The following RBFOX1 variants were observed in gnomAD, a reference collection of about 807,000 sequenced individuals.
RBFOX1 encodes RNA binding protein fox-1 homolog 1.
RBFOX1 carries 8 observed loss-of-function variants against 57.7 expected under a neutral mutation model. The observed-to-expected ratio is 0.14, with a 90% confidence interval of 0.08 to 0.25. The LOEUF is 0.25. Among genes scored for constraint, RBFOX1 ranks in the 10% least tolerant of loss-of-function variants. The probability of loss-of-function intolerance (pLI) is 1.00; values close to 1 mark genes in which losing one functional copy is unlikely to be tolerated. For missense variants in RBFOX1, 611 were observed against 548.5 expected (o/e 1.11, Z -1.14); for synonymous variants, 326 against 222.4 (o/e 1.47, Z -4.15).
At chr16:7,393,914 G>A (rs2098090988) in intron 4 of RBFOX1, among the ~76,000 whole-genome samples, 1 of 152,042 alleles carries the variant, frequency 6.6e-6, no homozygotes, top group South Asian at 2.1e-4. Flanking sequence ...ATCAAGCTAG[G>A]GAGGATGGCT....
chr16:7,275,440 A>G (rs990436966), intron 4 of RBFOX1, among the ~76,000 whole-genome samples: 1 of 152,236 alleles, frequency 6.6e-6, no homozygotes, highest in Non-Finnish European at 1.5e-5. Flanking sequence ...TTCTCCAGAC[A>G]TTAACATAAG....
At chr16:6,131,502 C>A (rs145991193) in intron 1 of RBFOX1, among the ~76,000 whole-genome samples, 27 of 152,270 alleles carry the variant, frequency 1.8e-4, no homozygotes, top group Admixed American at 1.6e-3. Context: ...CTGAAAGTCA[C>A]CCTCTAAGAT....
chr16:5,784,330 G>A (rs974177440), intron 3 of RBFOX1, among the ~76,000 whole-genome samples: 1 of 152,174 alleles, frequency 6.6e-6, no homozygotes, highest in South Asian at 2.1e-4. Context: ...GGGAGGCTGA[G>A]GCAGGAGAAT....
intron 2 of RBFOX1, among the ~76,000 whole-genome samples, chr16:5,567,769 C>T (rs570715925): frequency 7.2e-5 from 11 of 152,104 alleles, no homozygotes; most frequent in South Asian, 2.1e-4. Context: ...TTGTCGTCAC[C>T]GTCACCTATA....
chr16:6,000,597 G>A (rs115895552), intron 4 of RBFOX1, among the ~76,000 whole-genome samples: 246 of 152,232 alleles, frequency 1.6e-3, no homozygotes, highest in African/African-American at 5.6e-3. Flanking sequence ...ACAGTGCCAG[G>A]AAATAGAATT....
chr16:6,839,142 A>T (rs555256821), intron 3 of RBFOX1, among the ~76,000 whole-genome samples: 4 of 143,884 alleles, frequency 2.8e-5, no homozygotes, highest in African/African-American at 9.8e-5. Context: ...ACACCACCAC[A>T]CCCAGCTAAT....
chr16:6,985,931 G>A (rs1366718043), intron 3 of RBFOX1, among the ~76,000 whole-genome samples: 1 of 145,174 alleles, frequency 6.9e-6, no homozygotes, highest in African/African-American at 2.6e-5. Flanking sequence ...AATGTGAATT[G>A]TAAATCTCCA....
intron 4 of RBFOX1, among the ~76,000 whole-genome samples, chr16:5,923,708 T>C (rs1162295142): frequency 6.6e-6 from 1 of 151,876 alleles, no homozygotes; most frequent in Non-Finnish European, 1.5e-5. Context: ...CACCTGCTAA[T>C]TTTTGTGTTT....
chr16:7,385,803 G>T (rs1369463072), intron 4 of RBFOX1, among the ~76,000 whole-genome samples: 1 of 152,050 alleles, frequency 6.6e-6, no homozygotes, highest in Non-Finnish European at 1.5e-5. Flanking sequence ...ACCCAGGCTG[G>T]AGTGCAGTGG....
rs2063365362 is a variant in RBFOX1 at position 5,285,295 on chromosome 16, T to G, written c.219+45190T>G. Among the ~76,000 whole-genome samples the G allele has an allele frequency of 2.0e-5, 3 of 152,346 alleles. No individual in the cohort carries two copies. The East Asian group carries it at 5.8e-4, about 29-fold the overall frequency. On this transcript the variant is annotated intron_variant, in intron 1 of 2. Coordinates refer to the RBFOX1 transcript ENST00000585867. ...CAACGATTTCTTCTCTTCCAGGATT[T>G]GTGTTTGGTTCTTTGTTATGCTGTC...
intron 1 of RBFOX1, among the ~76,000 whole-genome samples, chr16:6,060,556 A>G (rs1596830384): frequency 6.6e-6 from 1 of 152,274 alleles, no homozygotes; most frequent in East Asian, 1.9e-4. Flanking sequence ...CAGCAGTTCC[A>G]TATACTTTGA....
chr16:6,523,418 C>A (rs184978158), intron 2 of RBFOX1, among the ~76,000 whole-genome samples: 1 of 152,208 alleles, frequency 6.6e-6, no homozygotes, highest in South Asian at 2.1e-4. Flanking sequence ...GCAATGTTAA[C>A]GGTCATTGAA....
At chr16:5,858,904 A>T (rs2057140009) in intron 3 of RBFOX1, among the ~76,000 whole-genome samples, 1 of 152,198 alleles carries the variant, frequency 6.6e-6, no homozygotes, top group South Asian at 2.1e-4. Context: ...GGAGAGGGGA[A>T]GCTGCCTACT....
chr16:6,743,107 T>G (rs1568428784), intron 3 of RBFOX1, among the ~76,000 whole-genome samples: 1 of 152,204 alleles, frequency 6.6e-6, no homozygotes, highest in Non-Finnish European at 1.5e-5. Flanking sequence ...TGTAATATTT[T>G]CAAAATAAGT....
chr16:5,904,179 C>G (rs2152188992), intron 4 of RBFOX1, among the ~76,000 whole-genome samples: 1 of 152,142 alleles, frequency 6.6e-6, no homozygotes, highest in South Asian at 2.1e-4. Context: ...CACAAAGCCT[C>G]AACAGTGATT....
intron 4 of RBFOX1, among the ~76,000 whole-genome samples, chr16:7,324,117 A>C (rs1252849741): frequency 6.6e-6 from 1 of 152,184 alleles, no homozygotes; most frequent in African/African-American, 2.4e-5. Context: ...AGACAGGGCA[A>C]GCTGAATTTC....
intron 4 of RBFOX1, among the ~76,000 whole-genome samples, chr16:7,455,027 A>C (rs9936248): frequency 0.42 from 63,965 of 152,110 alleles, 13,801 homozygotes; most frequent in East Asian, 0.56. Context: ...ATTTGTTCAA[A>C]CACAATAGGG....
At chr16:6,780,649 A>G (rs973332987) in intron 3 of RBFOX1, among the ~76,000 whole-genome samples, 5 of 144,754 alleles carry the variant, frequency 3.5e-5, no homozygotes, top group Non-Finnish European at 7.5e-5. Context: ...TCTTTTATAT[A>G]TGTATATATC....
chr16:5,896,770 G>C (rs2058174027), intron 4 of RBFOX1, among the ~76,000 whole-genome samples: 1 of 152,090 alleles, frequency 6.6e-6, no homozygotes, highest in Non-Finnish European at 1.5e-5. Context: ...GATATGAGCT[G>C]TATCAGCCAA....
Sources: allele counts gnomAD v4.1 joint callset (sites outside exome capture counted in the v4.1 genomes callset), GRCh38; gene constraint gnomAD v4.1.1; transcripts MANE v1.5; gene names NCBI Gene and HGNC (gene_info 2026-07-23, HGNC 2026-07-21).